Variants in NAALADL2 observed in about 807,000 individuals in gnomAD.
The protein encoded by NAALADL2 is N-acetylated alpha-linked acidic dipeptidase like 2.
A neutral mutation model predicts 87.2 loss-of-function variants in NAALADL2; 76 were observed. That is an observed-to-expected ratio of 0.87 (90% confidence interval 0.72 to 1.05). NAALADL2 has a LOEUF of 1.05. Among genes scored for constraint, NAALADL2 ranks in the 50% least tolerant of loss-of-function variants. The probability of loss-of-function intolerance (pLI) is 0.00; values close to 1 mark genes in which losing one functional copy is unlikely to be tolerated. For synonymous variants in NAALADL2, 354 were observed against 331.0 expected, an observed-to-expected ratio of 1.07 and a Z score of -0.75; for missense variants, 1,089 against 945.8, an observed-to-expected ratio of 1.15 and a Z score of -1.99.
intron 2 of NAALADL2, among the ~76,000 whole-genome samples, chr3:174,700,000 T>C (rs1434993326): frequency 6.6e-6 from 1 of 152,222 alleles, no homozygotes; most frequent in East Asian, 1.9e-4. Flanking sequence ...AAGTGTCAGG[T>C]TCAATTCTCC....
chr3:175,483,516 T>A (rs1372106504), intron 9 of NAALADL2, among the ~76,000 whole-genome samples: 1 of 151,792 alleles, frequency 6.6e-6, no homozygotes, highest in African/African-American at 2.4e-5. Flanking sequence ...TCTATTAATA[T>A]TTTTTTTGTA....
chr3:175,747,438 T>A (rs1161086207), intron 12 of NAALADL2, among the ~76,000 whole-genome samples: 1 of 152,204 alleles, frequency 6.6e-6, no homozygotes, highest in Admixed American at 6.5e-5. Flanking sequence ...TTGTAACATT[T>A]TTTTCCCTAA....
chr3:175,249,573 A>C (rs1489244793), intron 3 of NAALADL2, among the ~76,000 whole-genome samples: 1 of 152,186 alleles, frequency 6.6e-6, no homozygotes, highest in Non-Finnish European at 1.5e-5. Context: ...CGTCACATAT[A>C]TCTCAATGAA....
At chr3:175,674,035 G>C (rs1462828901) in intron 11 of NAALADL2, among the ~76,000 whole-genome samples, 1 of 151,852 alleles carries the variant, frequency 6.6e-6, no homozygotes, top group East Asian at 1.9e-4. Context: ...TGAAAAAATG[G>C]AGATCCTAGA....
intron 1 of NAALADL2, among the ~76,000 whole-genome samples, chr3:175,021,318 T>A (rs1050646065): frequency 6.6e-6 from 1 of 152,090 alleles, no homozygotes; most frequent in African/African-American, 2.4e-5. Context: ...TTCTAGTACC[T>A]GTATAGTACT....
intron 9 of NAALADL2, among the ~76,000 whole-genome samples, chr3:175,475,983 A>C (rs565108651): frequency 6.6e-6 from 1 of 152,292 alleles, no homozygotes; most frequent in Non-Finnish European, 1.5e-5. Flanking sequence ...TTGGCTTCTC[A>C]AAGCGCTGGG....
At position 175,485,660 on chromosome 3, in the gene NAALADL2, G is replaced by A. The variant is rs560386023; in HGVS notation, c.1653+13902G>A. On this transcript the variant is annotated intron_variant, in intron 9 of 13. Coordinates refer to ENST00000454872, the MANE Select transcript of NAALADL2 (RefSeq NM_207015.3). ...GAAGGCTGGAAGACTCAGCAAGTTAGCTTTTCCACCTTCATCTTCCTGCTT... is the reference window on the plus strand; with the variant it reads ...GAAGGCTGGAAGACTCAGCAAGTTAACTTTTCCACCTTCATCTTCCTGCTT... Among the ~76,000 whole-genome samples the A allele has an allele frequency of 1.1e-4, 17 of 152,258 alleles. 1 individual carries two copies. In the South Asian group the frequency reaches 3.5e-3, roughly 32 times the overall value.
intron 6 of NAALADL2, among the ~76,000 whole-genome samples, chr3:175,460,350 A>T (rs776460904): frequency 6.6e-6 from 1 of 152,208 alleles, no homozygotes; most frequent in East Asian, 1.9e-4. Flanking sequence ...ATGCATGAGG[A>T]TGTAAATAAA....
In NAALADL2 at chr3:175,552,226, C is replaced by G. The variant is rs927137015; in HGVS notation, c.1654-23815C>G. 7.9e-5 allele frequency among the ~76,000 whole-genome samples: 12 copies of G among 151,978 alleles called. No individual in the cohort carries two copies. In the East Asian group the frequency reaches 1.4e-3, roughly 17 times the overall value. On this transcript the variant is annotated intron_variant, in intron 9 of 13. Transcript: ENST00000454872. Reference sequence around the variant, plus strand: ...TATTTGTTAAGTAGTGATATGCAGTCCATTGGGAATACAATGAGATAAAAT... The same window carrying G: ...TATTTGTTAAGTAGTGATATGCAGTGCATTGGGAATACAATGAGATAAAAT...
chr3:175,493,006 A>C (rs17601486), intron 9 of NAALADL2, among the ~76,000 whole-genome samples: 12,558 of 152,110 alleles, frequency 0.083, 607 homozygotes, highest in South Asian at 0.12. Context: ...TATAACAGAT[A>C]TTTATGTGTA....
chr3:175,713,855 T>A (rs1311074254), intron 11 of NAALADL2, among the ~76,000 whole-genome samples: 1 of 152,094 alleles, frequency 6.6e-6, no homozygotes, highest in Non-Finnish European at 1.5e-5. Context: ...ACATTAGGTA[T>A]TTCTCCTAAT....
At chr3:175,620,369 C>T (rs1726042345) in intron 10 of NAALADL2, among the ~76,000 whole-genome samples, 1 of 152,176 alleles carries the variant, frequency 6.6e-6, no homozygotes, top group Admixed American at 6.5e-5. Flanking sequence ...CCACGTTGGG[C>T]GCCAGCGTCA....
intron 11 of NAALADL2, among the ~76,000 whole-genome samples, chr3:175,664,733 TAAA>T (rs1262297441): frequency 1.3e-5 from 2 of 152,150 alleles, no homozygotes; most frequent in Non-Finnish European, 2.9e-5. Flanking sequence ...CCTTCTCAGG[TAAA>T]AACTCTAAAT....
At chr3:175,355,350 G>A (rs2148890243) in intron 5 of NAALADL2, among the ~76,000 whole-genome samples, 1 of 152,204 alleles carries the variant, frequency 6.6e-6, no homozygotes, top group South Asian at 2.1e-4. Flanking sequence ...GATTACAGGT[G>A]TTAGACACCG....
rs1724932009 is a variant in NAALADL2, at chr3:175,471,728, A to G, written c.1623A>G (p.Ala541=). The G allele has an allele frequency of 6.2e-7, 1 of 1,609,036 alleles. No homozygotes were observed. The highest frequency in any genetic ancestry group is 1.7e-5 in the Admixed American group (1 of 59,312). The change falls in exon 9 of 14, where the codon GCA becomes GCG. Residue 541 remains alanine, a synonymous_variant. Coordinates refer to ENST00000454872, the MANE Select transcript of NAALADL2 (RefSeq NM_207015.3). ...IRGNSSLYPV[A]SPSLQQLVVE... is the part of the protein sequence containing the mutation. ...GGAACTCTAGTCTGTATCCTGTAGC[A>G]TCACCATCTCTTCAGCAACTGGTAG...
intron 3 of NAALADL2, among the ~76,000 whole-genome samples, chr3:174,813,618 C>T (rs1028826662): frequency 6.6e-6 from 1 of 152,080 alleles, no homozygotes; most frequent in East Asian, 1.9e-4. Flanking sequence ...AGAACTTATC[C>T]TTGTTGATAT....
chr3:175,361,651 T>A (rs1581579656), intron 5 of NAALADL2, among the ~76,000 whole-genome samples: 1 of 148,516 alleles, frequency 6.7e-6, no homozygotes. Context: ...GTCTTTTGGT[T>A]GCATAAATGT....
chr3:175,090,335 C>A (rs1183123587), intron 1 of NAALADL2, among the ~76,000 whole-genome samples: 1 of 151,878 alleles, frequency 6.6e-6, no homozygotes, highest in Non-Finnish European at 1.5e-5. Flanking sequence ...CTAATCAGCT[C>A]TTCTGCTTGC....
chr3:174,474,500 T>C (rs544149789), intron 1 of NAALADL2, among the ~76,000 whole-genome samples: 197 of 152,242 alleles, frequency 1.3e-3, no homozygotes, highest in Non-Finnish European at 2.2e-3. Flanking sequence ...TTACTGAAAG[T>C]GTAAACTAAC....
Sources: gnomAD v4.1 joint callset for allele counts (sites outside exome capture counted in the v4.1 genomes callset) on GRCh38, gnomAD v4.1.1 for gene constraint, MANE v1.5 for transcripts, NCBI Gene and HGNC (gene_info 2026-07-23, HGNC 2026-07-21) for gene names.